The following LRRC4C variants were observed in gnomAD, a reference collection of about 807,000 sequenced individuals.
LRRC4C encodes the protein leucine rich repeat containing 4C, also known as leucine-rich repeat-containing protein 4C.
A neutral mutation model predicts 33.6 loss-of-function variants in LRRC4C; 5 were observed. That is an observed-to-expected ratio of 0.15 (90% confidence interval 0.08 to 0.31). LRRC4C has a LOEUF of 0.31. Ranked by LOEUF, LRRC4C falls within the 10% of genes least tolerant of loss-of-function variation. The pLI is 1.00. For synonymous variants in LRRC4C, 329 were observed against 302.0 expected (o/e 1.09, Z -0.93); for missense variants, 560 against 796.7 (o/e 0.70, Z 3.58).
intron 1 of LRRC4C, among the ~76,000 whole-genome samples, chr11:40,938,354 T>C (rs1957998067): frequency 6.6e-6 from 1 of 152,152 alleles, no homozygotes; most frequent in South Asian, 2.1e-4. Flanking sequence ...TATGGATAAT[T>C]CACTGTACTT....
intron 1 of LRRC4C, among the ~76,000 whole-genome samples, chr11:40,993,226 T>C (rs1216050421): frequency 6.6e-6 from 1 of 152,216 alleles, no homozygotes; most frequent in Non-Finnish European, 1.5e-5. Context: ...ACTTTGGAGA[T>C]ATCTTTTGTT....
intron 1 of LRRC4C, among the ~76,000 whole-genome samples, chr11:41,058,211 C>A (rs1018209305): frequency 3.9e-5 from 6 of 152,336 alleles, no homozygotes; most frequent in Middle Eastern, 3.4e-3. Context: ...GTGACTCCCC[C>A]CTTTGGGGCC....
intron 1 of LRRC4C, among the ~76,000 whole-genome samples, chr11:41,223,365 G>T (rs1481058698): frequency 6.6e-6 from 1 of 152,090 alleles, no homozygotes; most frequent in Non-Finnish European, 1.5e-5. Flanking sequence ...GTATCTGTTT[G>T]CACCTTCTTG....
intron 2 of LRRC4C, among the ~76,000 whole-genome samples, chr11:40,729,761 G>A (rs1452007565): frequency 1.3e-5 from 2 of 152,008 alleles, no homozygotes; most frequent in East Asian, 1.9e-4. Context: ...CTTCACACAC[G>A]ATCATTCATA....
At chr11:41,172,529 C>A (rs1379679928) in intron 1 of LRRC4C, among the ~76,000 whole-genome samples, 2 of 152,148 alleles carry the variant, frequency 1.3e-5, no homozygotes, top group Non-Finnish European at 2.9e-5. Context: ...TATCTTTGAT[C>A]TCTGTACTGA....
intron 3 of LRRC4C, among the ~76,000 whole-genome samples, chr11:40,516,555 G>A (rs941006090): frequency 6.6e-6 from 1 of 152,050 alleles, no homozygotes; most frequent in Admixed American, 6.6e-5. Context: ...GAAGGAGATG[G>A]TAGCATAGAA....
At chr11:40,719,253 T>C (rs1302671045) in intron 2 of LRRC4C, among the ~76,000 whole-genome samples, 6 of 152,328 alleles carry the variant, frequency 3.9e-5, no homozygotes, top group African/African-American at 7.2e-5. Context: ...AAAACACCAA[T>C]TGGCAACATT....
At position 41,215,270 on chromosome 11, in the gene LRRC4C, C is replaced by A. The variant is rs140694972; in HGVS notation, c.-496+244161G>T. Reference sequence around the variant, plus strand: ...TGGGAGGCCAAGGTGGGTGGATCACCTGAGGTCATAAATTCAAGACCAGCC... The same window carrying A: ...TGGGAGGCCAAGGTGGGTGGATCACATGAGGTCATAAATTCAAGACCAGCC... On this transcript the variant is annotated intron_variant, in intron 1 of 6. Coordinates refer to ENST00000528697, the MANE Select transcript of LRRC4C (RefSeq NM_001258419.2). 7.1e-3 allele frequency among the ~76,000 whole-genome samples: 1,083 copies of A among 151,568 alleles called. 22 individuals carry two copies. The highest frequency in any genetic ancestry group is 0.025 in the African/African-American group (1,047 of 41,388).
At chr11:40,888,605 T>C (rs1392417720) in intron 2 of LRRC4C, among the ~76,000 whole-genome samples, 1 of 151,978 alleles carries the variant, frequency 6.6e-6, no homozygotes, top group African/African-American at 2.4e-5. Flanking sequence ...ACATCAACTT[T>C]CCCATAAAAA....
At chr11:40,766,241 C>A (rs1388973398) in intron 2 of LRRC4C, among the ~76,000 whole-genome samples, 1 of 146,620 alleles carries the variant, frequency 6.8e-6, no homozygotes, top group Admixed American at 6.9e-5. Context: ...GCAAAAATAA[C>A]TTTCAAACAT....
chr11:40,254,178 C>T (rs1867016266), intron 4 of LRRC4C, among the ~76,000 whole-genome samples: 1 of 152,162 alleles, frequency 6.6e-6, no homozygotes, highest in African/African-American at 2.4e-5. Flanking sequence ...CTCCAAACTA[C>T]CAGCAAATGC....
At chr11:41,255,373 C>T (rs1053343398) in intron 1 of LRRC4C, among the ~76,000 whole-genome samples, 2 of 151,956 alleles carry the variant, frequency 1.3e-5, no homozygotes, top group African/African-American at 4.8e-5. Flanking sequence ...ACAGAAAGCT[C>T]AAAGACCTGG....
At chr11:40,357,625 AT>A (rs1369551819) in intron 3 of LRRC4C, among the ~76,000 whole-genome samples, 5 of 152,298 alleles carry the variant, frequency 3.3e-5, no homozygotes, top group African/African-American at 1.2e-4. Flanking sequence ...CAGCAAAAAA[AT>A]AGACACTCTT....
At chr11:41,186,096 A>C (rs2136185022) in intron 1 of LRRC4C, among the ~76,000 whole-genome samples, 1 of 152,254 alleles carries the variant, frequency 6.6e-6, no homozygotes, top group Non-Finnish European at 1.5e-5. Context: ...AATGTAGTAT[A>C]AAATTTTGTA....
intron 2 of LRRC4C, among the ~76,000 whole-genome samples, chr11:40,892,086 G>A (rs61886613): frequency 6.9e-6 from 1 of 143,952 alleles, no homozygotes; most frequent in East Asian, 2.1e-4. Flanking sequence ...AGTGAGTGGC[G>A]ATGGCGCCAC....
chr11:40,817,091 T>G (rs1213648308), intron 2 of LRRC4C, among the ~76,000 whole-genome samples: 1 of 152,122 alleles, frequency 6.6e-6, no homozygotes, highest in African/African-American at 2.4e-5. Flanking sequence ...TGCAGTGGTG[T>G]AATAAATAAG....
At chr11:40,791,759 T>G (rs1950630534) in intron 2 of LRRC4C, among the ~76,000 whole-genome samples, 1 of 152,194 alleles carries the variant, frequency 6.6e-6, no homozygotes, top group Admixed American at 6.5e-5. Flanking sequence ...TGTGTTCCTA[T>G]TAGATGTCCT....
intron 3 of LRRC4C, among the ~76,000 whole-genome samples, chr11:40,416,275 C>T (rs143068114): frequency 1.2e-3 from 187 of 152,162 alleles, no homozygotes; most frequent in Middle Eastern, 6.8e-3. Flanking sequence ...TTAACTTAGC[C>T]TGGGAAGTTA....
At chr11:40,210,486 A>T (rs180702598) in intron 5 of LRRC4C, among the ~76,000 whole-genome samples, 2 of 152,324 alleles carry the variant, frequency 1.3e-5, no homozygotes, top group Admixed American at 1.3e-4. Context: ...GAACAGTAAA[A>T]GAGTGTTCAG....
Sources: allele counts gnomAD v4.1 joint callset (sites outside exome capture counted in the v4.1 genomes callset), GRCh38; gene constraint gnomAD v4.1.1; transcripts MANE v1.5; gene names NCBI Gene and HGNC (gene_info 2026-07-23, HGNC 2026-07-21).